The following ANO2 variants were observed in gnomAD, a reference collection of about 807,000 sequenced individuals.
The protein encoded by ANO2 is anoctamin-2.
ANO2 carries 101 observed loss-of-function variants against 124.2 expected under a neutral mutation model. The observed-to-expected ratio is 0.81, with a 90% CI of 0.69 to 0.96. The LOEUF (loss-of-function observed/expected upper bound fraction) is 0.96, where lower values mean the gene tolerates loss of function less well. Ranked by LOEUF, ANO2 falls within the 40% of genes least tolerant of loss-of-function variation. The probability of loss-of-function intolerance (pLI) is 0.00; values close to 1 mark genes in which losing one functional copy is unlikely to be tolerated. For synonymous variants in ANO2, 486 were observed against 482.5 expected, an observed-to-expected ratio of 1.01 and a Z score of -0.09; for missense variants, 1,293 against 1,274.5, an observed-to-expected ratio of 1.01 and a Z score of -0.22.
chr12:5,745,877 G>A (rs958260863), intron 11 of ANO2, among the ~76,000 whole-genome samples: 8 of 152,214 alleles, frequency 5.3e-5, no homozygotes, highest in African/African-American at 1.9e-4. Context: ...TGACTAGAGA[G>A]CCCAGTTTAT....
In ANO2 at chr12:5,821,726, A is replaced by C. The variant is rs551895182; in HGVS notation, c.892+6043T>G. On this transcript the variant is annotated intron_variant, in intron 7 of 24. Transcript: ENST00000682330. The stretch of plus-strand genomic sequence containing the variant: ...ACGTTTGACTATGGGTCATAAAGTC[A>C]CCATGGCACCTGAACTGCCTATAAT... Among the ~76,000 whole-genome samples the C allele has an allele frequency of 8.0e-4, 122 of 152,334 alleles. 1 individual carries two copies. Among genetic ancestry groups the C allele is most frequent in the Non-Finnish European group, 1.3e-3 (89 of 68,042 alleles).
chr12:5,936,088 A>G (rs912294982), intron 1 of ANO2, among the ~76,000 whole-genome samples: 1 of 152,200 alleles, frequency 6.6e-6, no homozygotes, highest in Non-Finnish European at 1.5e-5. Context: ...AATCAGGTTC[A>G]TCTTTTTATT....
At chr12:5,587,089 G>A (rs568820649) in intron 20 of ANO2, among the ~76,000 whole-genome samples, 16 of 152,208 alleles carry the variant, frequency 1.1e-4, no homozygotes, top group South Asian at 1.0e-3. Flanking sequence ...ACACCCAGCC[G>A]GCCCAAAAGG....
chr12:5,894,155 T>A (rs1939608854), intron 3 of ANO2, among the ~76,000 whole-genome samples: 1 of 152,180 alleles, frequency 6.6e-6, no homozygotes, highest in Non-Finnish European at 1.5e-5. Flanking sequence ...CATCTGTTGT[T>A]TCCTGACTTT....
rs947584028 is a variant in ANO2, at chr12:5,945,192, T to C, written c.22+4A>G. 4 of 1,288,374 alleles carry C rather than the reference T, an allele frequency of 3.1e-6. No homozygotes were observed. The Admixed American group carries it at 9.2e-5, about 30-fold the overall frequency. 79.8% of individuals were successfully genotyped at this position (1,288,374 alleles called of 1,614,324 possible). A position where few individuals can be genotyped will look rare whatever the true frequency, so the allele number is the denominator to read the frequency against. Reference sequence around the variant, plus strand: ...CCAGGACCAGGTCCAGCCGGAAAACTCACCGCGCGGCCCGGGAGTCGCCAT... The same window carrying C: ...CCAGGACCAGGTCCAGCCGGAAAACCCACCGCGCGGCCCGGGAGTCGCCAT... On this transcript the variant is annotated splice_donor_region_variant and intron_variant, in intron 1 of 24. Transcript: ENST00000682330.
intron 3 of ANO2, among the ~76,000 whole-genome samples, chr12:5,869,660 T>A (rs1257050608): frequency 6.6e-6 from 1 of 151,976 alleles, no homozygotes; most frequent in African/African-American, 2.4e-5. Context: ...AAACCAGAGA[T>A]CACTGAGGGG....
Position 5,727,866 on chromosome 12 carries a change from G to A in ANO2, c.1545+4654C>T, listed in dbSNP as rs151056331. Among the ~76,000 whole-genome samples the A allele has an allele frequency of 4.2e-3, 634 of 150,138 alleles. 13 individuals carry two copies. The East Asian group carries it at 0.049, about 12-fold the overall frequency. Reference sequence around the variant, plus strand: ...CTGTCCCCCAGGCTGGAGTGCAGTCGTGCAATCTCGGCTCACTGCAAGCTC... The same window carrying A: ...CTGTCCCCCAGGCTGGAGTGCAGTCATGCAATCTCGGCTCACTGCAAGCTC... On this transcript the variant is annotated intron_variant, in intron 14 of 24. Coordinates refer to ENST00000682330, the MANE Select transcript of ANO2 (RefSeq NM_001364791.2).
chr12:5,623,997 G>A (rs76702998), intron 16 of ANO2, among the ~76,000 whole-genome samples: 7,819 of 152,204 alleles, frequency 0.051, 272 homozygotes, highest in Middle Eastern at 0.095. Flanking sequence ...GGCAGCCAGC[G>A]CATGACCTGA....
intron 12 of ANO2, 146 bp downstream of exon 12, chr12:5,744,011 G>T (rs2137082438): frequency 2.1e-6 from 2 of 933,528 alleles, no homozygotes; most frequent in East Asian, 2.6e-5. Flanking sequence ...GTAAAGAAAA[G>T]AAAAGTGTCA....
At chr12:5,587,757 G>T (rs1943189687) in intron 20 of ANO2, among the ~76,000 whole-genome samples, 1 of 152,076 alleles carries the variant, frequency 6.6e-6, no homozygotes, top group African/African-American at 2.4e-5. Context: ...CTCCCTCTCA[G>T]GTTTCCCTTT....
At chr12:5,737,345 T>C (rs942350597) in intron 13 of ANO2, among the ~76,000 whole-genome samples, 3 of 152,228 alleles carry the variant, frequency 2.0e-5, no homozygotes, top group Non-Finnish European at 4.4e-5. Flanking sequence ...CCCAGGAAGT[T>C]ACCATGGCTC....
chr12:5,686,213 G>C (rs915140285), intron 14 of ANO2, among the ~76,000 whole-genome samples: 10 of 152,170 alleles, frequency 6.6e-5, no homozygotes, highest in African/African-American at 2.4e-4. Flanking sequence ...AAGCATACTT[G>C]TGCTCTTACA....
chr12:5,697,676 G>A (rs111616079), intron 14 of ANO2, among the ~76,000 whole-genome samples: 20,925 of 152,222 alleles, frequency 0.14, 1,537 homozygotes, highest in Middle Eastern at 0.22. Flanking sequence ...CCCGGGAAAC[G>A]CAAGGGGTCA....
intron 8 of ANO2, 73 bp downstream of exon 8, chr12:5,807,240 A>G: frequency 7.4e-7 from 1 of 1,348,176 alleles, no homozygotes; most frequent in Non-Finnish European, 1.0e-6. Flanking sequence ...CACCCATCTC[A>G]CTGCCACTGA....
intron 10 of ANO2, among the ~76,000 whole-genome samples, chr12:5,791,569 A>G (rs903131506): frequency 5.9e-5 from 9 of 152,126 alleles, no homozygotes; most frequent in African/African-American, 2.2e-4. Flanking sequence ...ACTGAATGGA[A>G]CTCTGGGGCA....
At chr12:5,570,294 C>A (rs1942026040) in intron 23 of ANO2, among the ~76,000 whole-genome samples, 1 of 151,934 alleles carries the variant, frequency 6.6e-6, no homozygotes, top group Non-Finnish European at 1.5e-5. Context: ...AGAAAAATGC[C>A]TAGAGAACAT....
intron 3 of ANO2, among the ~76,000 whole-genome samples, chr12:5,861,932 G>C (rs1955283450): frequency 6.6e-6 from 1 of 152,158 alleles, no homozygotes; most frequent in Non-Finnish European, 1.5e-5. Flanking sequence ...GAGGGCTTTT[G>C]AAATAAGAGC....
chr12:5,676,083 C>T (rs1948228159), intron 14 of ANO2, among the ~76,000 whole-genome samples: 1 of 152,208 alleles, frequency 6.6e-6, no homozygotes, highest in Non-Finnish European at 1.5e-5. Context: ...CTGCTCCTCA[C>T]CAGGGATGAG....
Position 5,900,175 on chromosome 12 carries a change from G to A in ANO2, c.534+20865C>T, listed in dbSNP as rs532208070. 3.3e-5 allele frequency among the ~76,000 whole-genome samples: 5 copies of A among 152,238 alleles called. 1 individual carries two copies. Among genetic ancestry groups the A allele is most frequent in the African/African-American group, 9.6e-5 (4 of 41,530 alleles). ...CAACTCAACCCACATCACAGCCCTG[G>A]ATTTCAATGTAATCACGGACAACCA... On this transcript the variant is annotated intron_variant, in intron 3 of 24. Transcript: ENST00000682330. This position sits in a 1 kb window ranked among gnomAD's most constrained non-coding sequence, Gnocchi z 4.2.
Sources: allele counts gnomAD v4.1 joint callset (sites outside exome capture counted in the v4.1 genomes callset), GRCh38; gene constraint gnomAD v4.1.1; non-coding constraint Gnocchi (gnomAD v3.1); transcripts MANE v1.5; gene names NCBI Gene and HGNC (gene_info 2026-07-23, HGNC 2026-07-21).